F5: variants seen among roughly 807,000 people sequenced by gnomAD.
F5 encodes coagulation factor V, also known as activated protein c cofactor.
F5 carries 138 observed loss-of-function variants against 216.4 expected under a neutral mutation model. The ratio of observed to expected loss-of-function variants is 0.64; its 90% CI spans 0.56 to 0.73. The LOEUF is 0.73. Among genes scored for constraint, F5 ranks in the 30% least tolerant of loss-of-function variants. The pLI, the probability that F5 is intolerant of heterozygous loss-of-function variation, is 0.00. For synonymous variants in F5, 916 were observed against 930.7 expected (o/e 0.98, Z 0.29); for missense variants, 2,403 against 2,674.0 (o/e 0.90, Z 2.24).
chr1:169,526,567 C>T (rs1045033636), intron 17 of F5, among the ~76,000 whole-genome samples: 5 of 152,030 alleles, frequency 3.3e-5, no homozygotes, highest in Non-Finnish European at 7.4e-5. Flanking sequence ...TTAACATTAC[C>T]CCCTGGCAGT....
At chr1:169,579,893 A>G (rs1356458899) in intron 2 of F5, among the ~76,000 whole-genome samples, 1 of 152,062 alleles carries the variant, frequency 6.6e-6, no homozygotes, top group East Asian at 1.9e-4. Flanking sequence ...TCCTGCTGAA[A>G]TCCTTTTAGG....
chr1:169,522,684 C>T (rs1016342894), intron 21 of F5, among the ~76,000 whole-genome samples: 3 of 152,142 alleles, frequency 2.0e-5, no homozygotes, highest in African/African-American at 7.2e-5. Flanking sequence ...GGGCTTATGG[C>T]TGAGCCCCTG....
intron 14 of F5, among the ~76,000 whole-genome samples, chr1:169,534,561 G>T (rs1251802491): frequency 1.3e-5 from 2 of 151,764 alleles, no homozygotes; most frequent in South Asian, 4.1e-4. Flanking sequence ...CCAGCTACTC[G>T]GGAGGCTGAG....
intron 2 of F5, among the ~76,000 whole-genome samples, chr1:169,573,477 G>C (rs1438933719): frequency 6.6e-6 from 1 of 152,146 alleles, no homozygotes; most frequent in African/African-American, 2.4e-5. Context: ...GTAGTGGTTG[G>C]AGTCTGGACA....
rs1001647624 is a variant in F5, at chr1:169,514,238, C to T, written c.*75G>A. ...GGAAAACTGTTAACATTTAACACAGCGTAAAATACATTGCCCATTCTAAAT... is the reference window on the plus strand; with the variant it reads ...GGAAAACTGTTAACATTTAACACAGTGTAAAATACATTGCCCATTCTAAAT... On this transcript the variant is annotated 3_prime_UTR_variant, in exon 25 of 25. Transcript: ENST00000367797. The T allele has an allele frequency of 2.3e-5, 33 of 1,415,620 alleles. No individual in the cohort carries two copies. The highest frequency in any genetic ancestry group is 7.0e-5 in the African/African-American group (5 of 71,018). The allele number at this position is 1,415,620 out of a possible 1,614,324, so 87.7% of individuals were successfully genotyped here. A position where few individuals can be genotyped will look rare whatever the true frequency, so the allele number is the denominator to read the frequency against.
At position 169,586,370 on chromosome 1, in the gene F5, G is replaced by A; in HGVS notation, c.17C>T (p.Pro6Leu). 2 of 1,613,496 alleles carry A rather than the reference G, an allele frequency of 1.2e-6. No homozygotes were observed. Among genetic ancestry groups the A allele is most frequent in the Non-Finnish European group, 8.5e-7 (1 of 1,179,948 alleles). MFPGC[P>L]RLWVLVVLGT... ...CAAGACCACCAGGACCCAGAGGCGTGGGCAGCCTGGGAACATGCTTCCTTT... is the reference window on the plus strand; with the variant it reads ...CAAGACCACCAGGACCCAGAGGCGTAGGCAGCCTGGGAACATGCTTCCTTT... Residue 6 changes from proline (P) to leucine (L), a missense_variant, in exon 1 of 25, where the codon CCA becomes CTA. This residue lies in a region of F5 where 1,425 missense variants were observed against 1,554.8 expected (regional missense o/e 0.92). Transcript: ENST00000367797.
intron 8 of F5, 136 bp from the exon 9 acceptor site, chr1:169,550,875 G>T: frequency 1.5e-6 from 1 of 680,940 alleles, no homozygotes. Flanking sequence ...AATTAGATCT[G>T]TTTATCTGAG....
intron 2 of F5, among the ~76,000 whole-genome samples, chr1:169,576,853 C>T (rs1251907991): frequency 6.6e-6 from 1 of 152,134 alleles, no homozygotes; most frequent in African/African-American, 2.4e-5. Flanking sequence ...CACATGCCTG[C>T]AAATACCAGA....
chr1:169,517,568 G>C (rs1659189190), intron 23 of F5, among the ~76,000 whole-genome samples: 1 of 152,098 alleles, frequency 6.6e-6, no homozygotes, highest in Admixed American at 6.5e-5. Flanking sequence ...GGATCATCAA[G>C]TTATTCATGC....
intron 3 of F5, among the ~76,000 whole-genome samples, chr1:169,564,748 G>A (rs1049735799): frequency 3.3e-5 from 5 of 152,020 alleles, no homozygotes; most frequent in Middle Eastern, 3.4e-3. Flanking sequence ...CACTCAAAAC[G>A]CTTTGCATGA....
Position 169,556,545 on chromosome 1 carries a change from C to T in F5, c.952+101G>A, listed in dbSNP as rs553108615. On this transcript the variant is annotated intron_variant, in intron 6 of 24. Transcript: ENST00000367797. ...TTAGGAACTGAGGAAAGTTTGTCTG[C>T]GGTGCAGGTGGCTTGAAAGGGCAAG... 50 of 1,075,060 alleles carry T rather than the reference C, an allele frequency of 4.7e-5. No individual in the cohort carries two copies. In the South Asian group the frequency reaches 6.1e-4, roughly 13 times the overall value. 66.6% of individuals were successfully genotyped at this position (1,075,060 alleles called of 1,614,324 possible).
At position 169,526,017 on chromosome 1, in the gene F5, C is replaced by A; in HGVS notation, c.5600G>T (p.Gly1867Val). Residue 1867 changes from glycine (G) to valine (V), a missense_variant and splice_region_variant, in exon 18 of 25, where the codon GGT becomes GTT. Coordinates refer to ENST00000367797, the MANE Select transcript of F5 (RefSeq NM_000130.5). ...CTTCATTTCAAGAGTTTTAAATGAACCTAAAATAAAAAGAACAACATTACA... is the reference window on the plus strand; with the variant it reads ...CTTCATTTCAAGAGTTTTAAATGAAACTAAAATAAAAAGAACAACATTACA... ...HQLGVWPLLP[G>V]SFKTLEMKAS... The A allele has an allele frequency of 6.2e-6, 10 of 1,600,202 alleles. No individual in the cohort carries two copies. Among genetic ancestry groups the A allele is most frequent in the Non-Finnish European group, 8.6e-6 (10 of 1,168,216 alleles).
Position 169,536,675 on chromosome 1 carries a change from G to GAATTA in F5, c.4801_4802insTAATT (p.Thr1601IlefsTer20). On this transcript the variant is annotated frameshift_variant, in exon 14 of 25. Coordinates refer to ENST00000367797, the MANE Select transcript of F5 (RefSeq NM_000130.5). LOFTEE classifies it high-confidence loss of function. ...AATATCATCAGAGTCTTCAATATCT[G>GAATTA]TTTCCCTGAAATAATAATACTATTT... The GAATTA allele has an allele frequency of 6.2e-7, 1 of 1,607,886 alleles. No homozygotes were observed. Among genetic ancestry groups the GAATTA allele is most frequent in the Non-Finnish European group, 8.5e-7 (1 of 1,174,578 alleles).
chr1:169,524,833 T>A lies in F5; in HGVS notation c.5788+4A>T, dbSNP rs759428783. On this transcript the variant is annotated splice_donor_region_variant and intron_variant, in intron 19 of 24. Coordinates refer to ENST00000367797, the MANE Select transcript of F5 (RefSeq NM_000130.5). ...CATTCACAGACCATGGTGCTACAACTTACCCAGAAACTCTGAAGCCTTGAT... is the reference window on the plus strand; with the variant it reads ...CATTCACAGACCATGGTGCTACAACATACCCAGAAACTCTGAAGCCTTGAT... 1.5e-4 allele frequency: 244 copies of A among 1,613,104 alleles called. 1 individual carries two copies. In the South Asian group the frequency reaches 2.6e-3, roughly 17 times the overall value.
At position 169,541,350 on chromosome 1, in the gene F5, G is replaced by A; in HGVS notation, c.3740C>T (p.Thr1247Ile). 4 of 1,610,272 alleles carry A rather than the reference G, an allele frequency of 2.5e-6. No individual in the cohort carries two copies. The highest frequency in any genetic ancestry group is 3.4e-6 in the Non-Finnish European group (4 of 1,178,498). ...CTGGCTGAGGTCTAAAGAAAGGGTT[G>A]TATGGCTGAGGTCTGGAGAAAGGGT... ...HTTLSPDLSH[T>I]TLSLDLSQTN... is the part of the protein sequence containing the mutation. The change falls in exon 13 of 25, where the codon ACA becomes ATA. Residue 1247 changes from threonine to isoleucine, a missense_variant. Thr to Ile is a moderately conservative substitution (Grantham distance 89). This residue lies in a region of F5 where 1,425 missense variants were observed against 1,554.8 expected (regional missense o/e 0.92). Transcript: ENST00000367797.
At chr1:169,520,211 C>G (rs1199076604) in intron 22 of F5, among the ~76,000 whole-genome samples, 4 of 152,142 alleles carry the variant, frequency 2.6e-5, no homozygotes, top group African/African-American at 9.7e-5. Flanking sequence ...GTTTGAATCT[C>G]AGGTAGGTCT....
At chr1:169,560,167 G>A (rs1660436872) in intron 4 of F5, among the ~76,000 whole-genome samples, 1 of 152,146 alleles carries the variant, frequency 6.6e-6, no homozygotes, top group Non-Finnish European at 1.5e-5. Context: ...CCAAACCTCA[G>A]ATATGTCAAA....
At chr1:169,532,585 T>C (rs899947977) in intron 14 of F5, among the ~76,000 whole-genome samples, 1 of 152,046 alleles carries the variant, frequency 6.6e-6, no homozygotes, top group African/African-American at 2.4e-5. Context: ...ATCAGTAATG[T>C]TCAAACTGAG....
rs1003264541 is a variant in F5 at position 169,542,896 on chromosome 1, C to T, written c.2194G>A (p.Ala732Thr). The part of the protein sequence containing the change: ...ADYDYQNRLA[A>T]ALGIRSFRNS... ...CGGAATGACCTGATTCCTAATGCTG[C>T]AGCCAGTCTGTTCTGGTAATCATAG... The change falls in exon 13 of 25, where the codon GCA (alanine) becomes ACA (threonine). Residue 732 changes from alanine to threonine, a missense_variant. Around this residue, in one of 4 missense-constraint regions of F5, gnomAD observed 1,425 missense variants for 1,554.8 expected, o/e 0.92. Transcript: ENST00000367797. 1.2e-6 allele frequency: 2 copies of T among 1,614,018 alleles called. No homozygotes were observed. The highest frequency in any genetic ancestry group is 2.7e-5 in the African/African-American group (2 of 74,924).
Sources: gnomAD v4.1 joint callset for allele counts (sites outside exome capture counted in the v4.1 genomes callset) on GRCh38, gnomAD v4.1.1 for gene constraint, gnomAD v4.1.1 regional missense constraint, MANE v1.5 for transcripts, NCBI Gene and HGNC (gene_info 2026-07-23, HGNC 2026-07-21) for gene names.